RPS6KA2: variants seen among roughly 807,000 people sequenced by gnomAD.
The protein encoded by RPS6KA2 is ribosomal protein S6 kinase A2.
Under a neutral mutation model 91.8 loss-of-function variants are expected in RPS6KA2, and 42 were observed. The ratio of observed to expected loss-of-function variants is 0.46; its 90% CI spans 0.36 to 0.59. RPS6KA2 has a LOEUF of 0.59. RPS6KA2 is among the 20% of genes least tolerant of loss of function. The probability of loss-of-function intolerance (pLI) is 0.00; values close to 1 mark genes in which losing one functional copy is unlikely to be tolerated. For missense variants in RPS6KA2, 798 were observed against 978.5 expected (o/e 0.82, Z 2.46); for synonymous variants, 414 against 393.6 (o/e 1.05, Z -0.61).
upstream of RPS6KA2, among the ~76,000 whole-genome samples, chr6:166,630,843 A>G (rs1562353648): frequency 6.6e-6 from 1 of 152,218 alleles, no homozygotes; most frequent in Non-Finnish European, 1.5e-5. Context: ...AGTTTCTTGA[A>G]TGTAGGAATT....
intron 2 of RPS6KA2, among the ~76,000 whole-genome samples, chr6:166,720,436 C>T (rs1274478648): frequency 2.0e-5 from 3 of 152,062 alleles, no homozygotes; most frequent in African/African-American, 2.4e-5. Flanking sequence ...ATCTGCAATG[C>T]ACTTCTTTTC....
At chr6:166,526,446 A>G (rs1020022711) in intron 3 of RPS6KA2, among the ~76,000 whole-genome samples, 1 of 149,536 alleles carries the variant, frequency 6.7e-6, no homozygotes, top group East Asian at 2.0e-4. Context: ...CTTGGGCTTA[A>G]GCAATCCTCC....
rs1344159064 is a variant in RPS6KA2 at position 166,495,357 on chromosome 6, T to C, written c.747+3151A>G. On this transcript the variant is annotated intron_variant, in intron 8 of 20. Transcript: ENST00000265678. This position sits in a 1 kb window ranked among gnomAD's most constrained non-coding sequence, Gnocchi z 4.4. ...TCCCCAGCTGTCACGAGACATTGAA[T>C]GCGGGACGATCCCAGCAAACAAGTG... Among the ~76,000 whole-genome samples, 2 of 152,174 alleles carry C rather than the reference T, an allele frequency of 1.3e-5. No individual in the cohort carries two copies. The highest frequency in any genetic ancestry group is 2.4e-5 in the African/African-American group (1 of 41,430).
chr6:166,538,212 G>A (rs555765140), intron 2 of RPS6KA2, among the ~76,000 whole-genome samples: 15 of 152,266 alleles, frequency 9.9e-5, no homozygotes, highest in Admixed American at 8.5e-4. Context: ...GGTGAGGAGG[G>A]GAGCCGGCTG....
chr6:166,425,935 C>T (rs944380158), intron 16 of RPS6KA2, among the ~76,000 whole-genome samples: 14 of 152,120 alleles, frequency 9.2e-5, no homozygotes, highest in African/African-American at 3.4e-4. Flanking sequence ...TTGAACTCAG[C>T]TCTGCACCAA....
chr6:166,514,375 G>A (rs1453217406), intron 3 of RPS6KA2, among the ~76,000 whole-genome samples: 1 of 152,194 alleles, frequency 6.6e-6, no homozygotes, highest in East Asian at 1.9e-4. Context: ...GTGTGCTGGG[G>A]GACCTGTGCA....
chr6:166,713,565 C>T (rs928488585), intron 2 of RPS6KA2, among the ~76,000 whole-genome samples: 1 of 152,114 alleles, frequency 6.6e-6, no homozygotes, highest in Middle Eastern at 3.2e-3. Context: ...AAAACATTCA[C>T]GCATGATATG....
At position 166,538,930 on chromosome 6, in the gene RPS6KA2, G is replaced by GTT. The variant is rs545087446; in HGVS notation, c.100-147_100-146insAA. Reference sequence around the variant, plus strand: ...TTGAAAGTGGAGACACCATTTAGTTGTGTTTTTTTCTTTTTTTTTTCTTAA... The same window carrying GTT: ...TTGAAAGTGGAGACACCATTTAGTTGTTTGTTTTTTTCTTTTTTTTTTCTTAA... On this transcript the variant is annotated intron_variant, in intron 1 of 20. Coordinates refer to ENST00000265678, the MANE Select transcript of RPS6KA2 (RefSeq NM_021135.6). The GTT allele has an allele frequency of 1.1e-3, 569 of 506,402 alleles. 1 individual carries two copies. The highest frequency in any genetic ancestry group is 0.01 in the African/African-American group (527 of 50,740). The allele number at this position is 506,402 out of a possible 1,614,324, so 31.4% of individuals were successfully genotyped here. A position where few individuals can be genotyped will look rare whatever the true frequency, so the allele number is the denominator to read the frequency against.
rs141284100 is a variant in RPS6KA2 at position 166,529,239 on chromosome 6, C to T, written c.298+1993G>A. 2.6e-3 allele frequency among the ~76,000 whole-genome samples: 396 copies of T among 152,210 alleles called. 1 individual carries two copies. Among genetic ancestry groups the T allele is most frequent in the African/African-American group, 8.0e-3 (331 of 41,502 alleles). Reference sequence around the variant, plus strand: ...ATATACACCATGGAATACTATGCAGCCATAAAAAAGGATGAGTTCATATGG... The same window carrying T: ...ATATACACCATGGAATACTATGCAGTCATAAAAAAGGATGAGTTCATATGG... On this transcript the variant is annotated intron_variant, in intron 3 of 20. Transcript: ENST00000265678.
chr6:166,770,186 C>G lies in RPS6KA2; in HGVS notation c.123+88014G>C. 6.6e-6 allele frequency among the ~76,000 whole-genome samples: 1 copy of G among 152,210 alleles called. No individual in the cohort carries two copies. The highest frequency in any genetic ancestry group is 2.1e-4 in the South Asian group (1 of 4,834). ...CAACCACATGTGGCGTGACTACCGA[C>G]TTACTACATTTCACCTGAGTGTTGC... On this transcript the variant is annotated intron_variant, in intron 2 of 21. Coordinates refer to the RPS6KA2 transcript ENST00000503859. The surrounding 1 kb of genome is among the most constrained non-coding windows in gnomAD (Gnocchi z 5.1).
rs1360878613 is a variant in RPS6KA2, at chr6:166,839,684, A to AGGGGAGGGGAGGGGACGG, written c.123+18515_123+18516insCCGTCCCCTCCCCTCCCC. Among the ~76,000 whole-genome samples the AGGGGAGGGGAGGGGACGG allele has an allele frequency of 8.0e-4, 19 of 23,862 alleles. 3 individuals carry two copies. The highest frequency in any genetic ancestry group is 1.9e-3 in the African/African-American group (11 of 5,840). 15.7% of individuals were successfully genotyped at this position (23,862 alleles called of 152,430 possible). On this transcript the variant is annotated intron_variant, in intron 2 of 21. Coordinates refer to the RPS6KA2 transcript ENST00000503859. ...AGAGGGAGGTGGAAATCAGAGCAGGAGAGGAGAGGGGAGGAGAGGAGAGGA... is the reference window on the plus strand; with the variant it reads ...AGAGGGAGGTGGAAATCAGAGCAGGAGGGGAGGGGAGGGGACGGGAGGAGAGGGGAGGAGAGGAGAGGA...
At chr6:166,570,645 TACAAAAAGAAATAC>T (rs1413027934) in intron 1 of RPS6KA2, among the ~76,000 whole-genome samples, 2 of 152,166 alleles carry the variant, frequency 1.3e-5, no homozygotes, top group Middle Eastern at 3.2e-3. Flanking sequence ...AGGGTTTAGA[TACAAAAAGAAATAC>T]ACACATAAAT....
At chr6:166,680,684 C>T (rs180685122) in intron 2 of RPS6KA2, among the ~76,000 whole-genome samples, 2 of 152,256 alleles carry the variant, frequency 1.3e-5, no homozygotes, top group East Asian at 1.9e-4. Flanking sequence ...CTAAAGTCAG[C>T]GAGACCATGA....
rs370166656 is a variant in RPS6KA2 at position 166,693,201 on chromosome 6, C to T, written c.124-154417G>A. ...CTAAATCAGAAGGAGCACCTGGCAC[C>T]GCAGCTCGCAGGAGGTGCTGCAGCG... On this transcript the variant is annotated intron_variant, in intron 2 of 21. Coordinates refer to the RPS6KA2 transcript ENST00000503859. 7.2e-5 allele frequency among the ~76,000 whole-genome samples: 11 copies of T among 152,192 alleles called. 1 individual carries two copies. The East Asian group carries it at 1.3e-3, about 19-fold the overall frequency.
rs1417409578 is a variant in RPS6KA2, at chr6:166,557,280, G to A, written c.100-18496C>T. Reference sequence around the variant, plus strand: ...TGCCGGGGTGAGGACCGTGGGCGCGGAGCATGCTTCCCAAGAACAGCCCGC... The same window carrying A: ...TGCCGGGGTGAGGACCGTGGGCGCGAAGCATGCTTCCCAAGAACAGCCCGC... On this transcript the variant is annotated intron_variant, in intron 1 of 20. Coordinates refer to ENST00000265678, the MANE Select transcript of RPS6KA2 (RefSeq NM_021135.6). This position sits in a 1 kb window ranked among gnomAD's most constrained non-coding sequence, Gnocchi z 4.8. 6.6e-6 allele frequency among the ~76,000 whole-genome samples: 1 copy of A among 152,230 alleles called. No individual in the cohort carries two copies. Among genetic ancestry groups the A allele is most frequent in the East Asian group, 1.9e-4 (1 of 5,204 alleles).
At chr6:166,711,038 T>A (rs576346004) in intron 2 of RPS6KA2, among the ~76,000 whole-genome samples, 1 of 152,100 alleles carries the variant, frequency 6.6e-6, no homozygotes, top group East Asian at 2.0e-4. Context: ...AATTCCACCC[T>A]CATTAGTCTG....
intron 2 of RPS6KA2, among the ~76,000 whole-genome samples, chr6:166,699,562 A>C (rs992483190): frequency 1.8e-4 from 27 of 152,230 alleles, no homozygotes; most frequent in African/African-American, 6.5e-4. Context: ...TCTTTAGATC[A>C]GTGTAACATG....
chr6:166,441,657 C>A (rs1229538408), intron 14 of RPS6KA2, among the ~76,000 whole-genome samples: 1 of 152,236 alleles, frequency 6.6e-6, no homozygotes, highest in Non-Finnish European at 1.5e-5. Context: ...CGGCCCCGTG[C>A]GGCTCACTGC....
intron 2 of RPS6KA2, among the ~76,000 whole-genome samples, chr6:166,640,338 A>G (rs550997338): frequency 4.3e-4 from 66 of 152,348 alleles, no homozygotes; most frequent in Non-Finnish European, 8.5e-4. Context: ...TATTTCATAA[A>G]CACCTATAGT....
Sources: allele counts gnomAD v4.1 joint callset (sites outside exome capture counted in the v4.1 genomes callset), GRCh38; gene constraint gnomAD v4.1.1; non-coding constraint Gnocchi (gnomAD v3.1); transcripts MANE v1.5; gene names NCBI Gene and HGNC (gene_info 2026-07-23, HGNC 2026-07-21).